EFNA5: variants seen among roughly 807,000 people sequenced by gnomAD.
EFNA5 encodes ephrin A5, also known as ephrin-A5.
Under a neutral mutation model 22.9 loss-of-function variants are expected in EFNA5, and 5 were observed. The observed-to-expected ratio is 0.22, with a 90% CI of 0.11 to 0.46. The LOEUF (loss-of-function observed/expected upper bound fraction) is 0.46, where lower values mean the gene tolerates loss of function less well. Among genes scored for constraint, EFNA5 ranks in the 20% least tolerant of loss-of-function variants. The pLI is 0.99. For missense variants in EFNA5, 237 were observed against 293.3 expected, an observed-to-expected ratio of 0.81 and a Z score of 1.40; for synonymous variants, 113 against 112.2, an observed-to-expected ratio of 1.01 and a Z score of -0.04.
chr5:107,542,871 C>A (rs1277432283), intron 1 of EFNA5, among the ~76,000 whole-genome samples: 1 of 152,184 alleles, frequency 6.6e-6, no homozygotes, highest in East Asian at 1.9e-4. Flanking sequence ...TGCCTCACAA[C>A]CTCGACAGGC....
chr5:107,524,919 C>A (rs974113629), intron 1 of EFNA5, among the ~76,000 whole-genome samples: 3 of 152,176 alleles, frequency 2.0e-5, no homozygotes, highest in Non-Finnish European at 2.9e-5. Context: ...TAGTAGCATG[C>A]AAGCTCCCAG....
chr5:107,566,131 C>G (rs1359664354), intron 1 of EFNA5, among the ~76,000 whole-genome samples: 3 of 152,138 alleles, frequency 2.0e-5, no homozygotes, highest in Non-Finnish European at 4.4e-5. Flanking sequence ...CTGGTGGTCC[C>G]CTCGCTCCTA....
chr5:107,464,471 G>A (rs1355994161), intron 1 of EFNA5, among the ~76,000 whole-genome samples: 1 of 152,152 alleles, frequency 6.6e-6, no homozygotes, highest in Non-Finnish European at 1.5e-5. Flanking sequence ...TCCTCGGGGA[G>A]CAAAGGGGAG....
At chr5:107,550,063 G>C (rs1211771310) in intron 1 of EFNA5, among the ~76,000 whole-genome samples, 1 of 152,206 alleles carries the variant, frequency 6.6e-6, no homozygotes, top group Non-Finnish European at 1.5e-5. Context: ...GGTCTTCTTA[G>C]AAAAGAAAGA....
chr5:107,574,021 G>T (rs879928736), intron 1 of EFNA5, among the ~76,000 whole-genome samples: 2 of 152,164 alleles, frequency 1.3e-5, no homozygotes, highest in East Asian at 3.9e-4. Context: ...GCACCAAAAT[G>T]CACATCTATA....
At chr5:107,521,474 A>AT (rs1367927341) in intron 1 of EFNA5, among the ~76,000 whole-genome samples, 80 of 128,156 alleles carry the variant, frequency 6.2e-4, no homozygotes, top group African/African-American at 1.7e-3. Context: ...ATATATATAT[A>AT]TATTTTTTTT....
intron 1 of EFNA5, among the ~76,000 whole-genome samples, chr5:107,610,601 T>C (rs1005370199): frequency 1.3e-5 from 2 of 152,180 alleles, no homozygotes; most frequent in Non-Finnish European, 2.9e-5. Flanking sequence ...TCACAAAACG[T>C]ATCTCTTTTT....
intron 1 of EFNA5, among the ~76,000 whole-genome samples, chr5:107,645,069 G>T (rs1750605596): frequency 6.6e-6 from 1 of 152,146 alleles, no homozygotes; most frequent in Admixed American, 6.6e-5. Context: ...AGGTAAACAT[G>T]TGCCATGGTG....
intron 1 of EFNA5, among the ~76,000 whole-genome samples, chr5:107,482,127 T>C (rs945276587): frequency 6.6e-6 from 1 of 151,960 alleles, no homozygotes; most frequent in African/African-American, 2.4e-5. Flanking sequence ...CTGGGCAACA[T>C]AGGGAAACCC....
intron 2 of EFNA5, among the ~76,000 whole-genome samples, chr5:107,399,546 G>T (rs1411833359): frequency 6.6e-6 from 1 of 152,190 alleles, no homozygotes; most frequent in African/African-American, 2.4e-5. Context: ...AGCAAAGTGA[G>T]ATTAGAATCC....
chr5:107,524,089 T>C (rs1397449792), intron 1 of EFNA5, among the ~76,000 whole-genome samples: 2 of 152,214 alleles, frequency 1.3e-5, no homozygotes, highest in African/African-American at 4.8e-5. Flanking sequence ...TTCATGTAGT[T>C]AGTCAACCAA....
chr5:107,395,813 C>A (rs902265963), intron 2 of EFNA5, among the ~76,000 whole-genome samples: 21 of 152,124 alleles, frequency 1.4e-4, no homozygotes, highest in African/African-American at 4.8e-4. Flanking sequence ...ACTTAGAAAA[C>A]CTCTTCTTCA....
At chr5:107,444,911 G>A (rs746800860) in intron 1 of EFNA5, among the ~76,000 whole-genome samples, 20 of 152,190 alleles carry the variant, frequency 1.3e-4, no homozygotes, top group South Asian at 2.1e-4. Context: ...AATGCTTACC[G>A]TTTATGGGGT....
chr5:107,466,814 T>C (rs938249259), intron 1 of EFNA5, among the ~76,000 whole-genome samples: 2 of 152,150 alleles, frequency 1.3e-5, no homozygotes, highest in Non-Finnish European at 2.9e-5. Context: ...AGCATTGGCA[T>C]TTGACTCCAA....
chr5:107,578,544 G>A (rs962705585), intron 1 of EFNA5, among the ~76,000 whole-genome samples: 1 of 152,152 alleles, frequency 6.6e-6, no homozygotes, highest in Non-Finnish European at 1.5e-5. Context: ...GTTTGAATCT[G>A]AGTGTTCTAA....
intron 1 of EFNA5, among the ~76,000 whole-genome samples, chr5:107,505,836 C>A (rs376257765): frequency 3.9e-5 from 6 of 151,906 alleles, no homozygotes; most frequent in Non-Finnish European, 7.4e-5. Context: ...TTCTCTCCCC[C>A]CCACCTTCTC....
intron 2 of EFNA5, among the ~76,000 whole-genome samples, chr5:107,392,569 T>A (rs1425773500): frequency 1.3e-5 from 2 of 152,140 alleles, no homozygotes; most frequent in Non-Finnish European, 2.9e-5. Flanking sequence ...TGGGAGAGAC[T>A]CAAAGGATCC....
At chr5:107,534,978 A>G (rs1747898777) in intron 1 of EFNA5, among the ~76,000 whole-genome samples, 1 of 152,226 alleles carries the variant, frequency 6.6e-6, no homozygotes. Flanking sequence ...TCTTTTTAAA[A>G]GTGACTTTCT....
intron 1 of EFNA5, among the ~76,000 whole-genome samples, chr5:107,568,505 TCAAA>T (rs2112483365): frequency 6.6e-6 from 1 of 152,246 alleles, no homozygotes; most frequent in East Asian, 1.9e-4. Flanking sequence ...ACTTGAGTGA[TCAAA>T]CAAAGGGTAA....
Sources: allele counts gnomAD v4.1 joint callset (sites outside exome capture counted in the v4.1 genomes callset), GRCh38; gene constraint gnomAD v4.1.1; transcripts MANE v1.5; gene names NCBI Gene and HGNC (gene_info 2026-07-23, HGNC 2026-07-21).